Variants in ITPR1 observed in about 807,000 individuals in gnomAD.
ITPR1 encodes the protein inositol 1,4,5-trisphosphate-gated calcium channel ITPR1.
ITPR1 carries 96 observed loss-of-function variants against 318.4 expected under a neutral mutation model. The ratio of observed to expected loss-of-function variants is 0.30; its 90% confidence interval spans 0.26 to 0.36. ITPR1 has a LOEUF of 0.36. Among genes scored for constraint, ITPR1 ranks in the 10% least tolerant of loss-of-function variants. The pLI, the probability that ITPR1 is intolerant of heterozygous loss-of-function variation, is 1.00. For missense variants in ITPR1, 2,440 were observed against 3,460.2 expected (o/e 0.71, Z 7.40); for synonymous variants, 1,312 against 1,289.9 (o/e 1.02, Z -0.37).
chr3:4,586,976 A>G (rs1383016737), intron 4 of ITPR1, among the ~76,000 whole-genome samples: 1 of 152,084 alleles, frequency 6.6e-6, no homozygotes, highest in African/African-American at 2.4e-5. Flanking sequence ...TTGATTCCCA[A>G]GCTTGATTGT....
At chr3:4,621,309 A>G (rs1486798143) in intron 4 of ITPR1, among the ~76,000 whole-genome samples, 1 of 152,044 alleles carries the variant, frequency 6.6e-6, no homozygotes, top group Non-Finnish European at 1.5e-5. Flanking sequence ...GAGGCACATC[A>G]CTCATGACAA....
At chr3:4,546,961 C>T (rs1256262619) in intron 4 of ITPR1, among the ~76,000 whole-genome samples, 1 of 152,146 alleles carries the variant, frequency 6.6e-6, no homozygotes. Context: ...ACTTGAGTCC[C>T]AGTCTTTGGT....
Position 4,721,403 on chromosome 3 carries a change from C to G in ITPR1, c.5136+4004C>G, listed in dbSNP as rs188663566. On this transcript the variant is annotated intron_variant, in intron 40 of 61. Coordinates refer to ENST00000649015, the MANE Select transcript of ITPR1 (RefSeq NM_001378452.1). ...AAATAGAGTTAGTAAAGATAGTTGT[C>G]TCAGCAGATAGGAAGATTTAAAGTT... 2.0e-4 allele frequency among the ~76,000 whole-genome samples: 31 copies of G among 152,076 alleles called. No homozygotes were observed. In the East Asian group the frequency reaches 5.2e-3, roughly 26 times the overall value.
At chr3:4,629,803 A>G (rs939097546) in intron 5 of ITPR1, among the ~76,000 whole-genome samples, 3 of 152,192 alleles carry the variant, frequency 2.0e-5, no homozygotes, top group Non-Finnish European at 4.4e-5. Flanking sequence ...TACAGTGGTC[A>G]GGGAGGGCTT....
chr3:4,527,512 G>C (rs1043786561), intron 4 of ITPR1, among the ~76,000 whole-genome samples: 1 of 152,152 alleles, frequency 6.6e-6, no homozygotes, highest in Admixed American at 6.5e-5. Flanking sequence ...CCAACCAGCT[G>C]TGGGATGCGC....
chr3:4,671,458 C>G (rs1247098476), intron 20 of ITPR1: 1 of 152,302 alleles, frequency 6.6e-6, no homozygotes, highest in Non-Finnish European at 1.5e-5. Context: ...CTAATACTTC[C>G]AATTCCATTC....
chr3:4,675,764 T>C (rs2094171870), intron 23 of ITPR1, among the ~76,000 whole-genome samples: 1 of 152,184 alleles, frequency 6.6e-6, no homozygotes, highest in African/African-American at 2.4e-5. Flanking sequence ...AGGGTCAGAG[T>C]AGGCAGATAT....
intron 42 of ITPR1, among the ~76,000 whole-genome samples, chr3:4,729,849 A>G (rs944931151): frequency 1.3e-5 from 2 of 151,894 alleles, no homozygotes; most frequent in Admixed American, 6.5e-5. Context: ...AAACTGCTGG[A>G]AAAAAACTGG....
At chr3:4,610,974 C>CTTCCCCCTCCCCCCTCCTTCTCCTT (rs1553644259) in intron 4 of ITPR1, among the ~76,000 whole-genome samples, 1 of 83,248 alleles carries the variant, frequency 1.2e-5, no homozygotes, top group African/African-American at 5.5e-5. Context: ...CCCCCTTCCC[C>CTTCCCCCTCCCCCCTCCTTCTCCTT]CTCCTTCTCC....
intron 23 of ITPR1, among the ~76,000 whole-genome samples, chr3:4,676,014 G>A (rs545308011): frequency 6.6e-6 from 1 of 152,140 alleles, no homozygotes; most frequent in East Asian, 1.9e-4. Context: ...TATGTACCTA[G>A]TTCTGTGCTC....
rs2050113221 is a variant in ITPR1, at chr3:4,826,898, G to C, written c.8028+8656G>C. 6.6e-6 allele frequency among the ~76,000 whole-genome samples: 1 copy of C among 152,182 alleles called. No individual in the cohort carries two copies. Among genetic ancestry groups the C allele is most frequent in the African/African-American group, 2.4e-5 (1 of 41,448 alleles). ...CCCTGAAGGAGCTTGTGTGCTAAGG[G>C]AGAGCATGGGGCGTGAGTCAGGTAT... On this transcript the variant is annotated intron_variant, in intron 60 of 61. Transcript: ENST00000649015. The surrounding 1 kb of genome is among the most constrained non-coding windows in gnomAD (Gnocchi z 4.2).
rs1281059399 is a variant in ITPR1, at chr3:4,558,739, T to C, written c.163+37645T>C. On this transcript the variant is annotated intron_variant, in intron 4 of 61. Transcript: ENST00000649015. Reference sequence around the variant, plus strand: ...AAGGAGCTCCTGGTGCAGGTACGAATCCAGAAAAATAGAGTGATACAGTGA... The same window carrying C: ...AAGGAGCTCCTGGTGCAGGTACGAACCCAGAAAAATAGAGTGATACAGTGA... 2.0e-5 allele frequency among the ~76,000 whole-genome samples: 3 copies of C among 152,104 alleles called. No individual in the cohort carries two copies. In the East Asian group the frequency reaches 5.8e-4, roughly 29 times the overall value.
At chr3:4,747,872 C>T (rs2044221417) in intron 44 of ITPR1, among the ~76,000 whole-genome samples, 1 of 152,196 alleles carries the variant, frequency 6.6e-6, no homozygotes, top group African/African-American at 2.4e-5. Context: ...TCGCTTGCGT[C>T]TAAAGAAGCA....
intron 46 of ITPR1, among the ~76,000 whole-genome samples, chr3:4,771,671 C>G (rs1418223001): frequency 1.3e-5 from 2 of 152,076 alleles, no homozygotes; most frequent in Non-Finnish European, 2.9e-5. Context: ...AAACTCGTTC[C>G]TCAGTGCATT....
At chr3:4,769,139 A>G (rs1003749574) in intron 46 of ITPR1, among the ~76,000 whole-genome samples, 3 of 151,886 alleles carry the variant, frequency 2.0e-5, no homozygotes, top group African/African-American at 7.3e-5. Context: ...ACCTCAAGTG[A>G]TCCCCCCACC....
At chr3:4,635,391 A>C (rs1052607412) in intron 5 of ITPR1, among the ~76,000 whole-genome samples, 3 of 152,142 alleles carry the variant, frequency 2.0e-5, no homozygotes, top group Non-Finnish European at 4.4e-5. Context: ...CCCAGGCTGC[A>C]GTGCAGTGGC....
At chr3:4,581,806 C>T (rs1411365438) in intron 4 of ITPR1, among the ~76,000 whole-genome samples, 1 of 152,192 alleles carries the variant, frequency 6.6e-6, no homozygotes, top group African/African-American at 2.4e-5. Context: ...GAGGGACCTA[C>T]AGTTGTCCCT....
At chr3:4,799,403 G>C (rs923071536) in intron 53 of ITPR1, among the ~76,000 whole-genome samples, 1 of 152,312 alleles carries the variant, frequency 6.6e-6, no homozygotes, top group East Asian at 1.9e-4. Context: ...TGGCTGGGCT[G>C]GGGGGAACAG....
chr3:4,594,196 C>A (rs9815192), intron 4 of ITPR1, among the ~76,000 whole-genome samples: 18,006 of 152,094 alleles, frequency 0.12, 1,147 homozygotes, highest in Non-Finnish European at 0.13. Context: ...ACAGAAGAAC[C>A]AAAGCTTCAG....
Sources: gnomAD v4.1 joint callset for allele counts (sites outside exome capture counted in the v4.1 genomes callset) on GRCh38, gnomAD v4.1.1 for gene constraint, Gnocchi (gnomAD v3.1) non-coding constraint, MANE v1.5 for transcripts, NCBI Gene and HGNC (gene_info 2026-07-23, HGNC 2026-07-21) for gene names.